The following ZFP90 variants were observed in gnomAD, a reference collection of about 807,000 sequenced individuals.
ZFP90 encodes ZFP90 zinc finger protein.
ZFP90 carries 38 observed loss-of-function variants against 60.8 expected under a neutral mutation model. That is an observed-to-expected ratio of 0.62 (90% CI 0.48 to 0.82). ZFP90 has a LOEUF of 0.82. ZFP90 is among the 40% of genes least tolerant of loss of function. ZFP90 has a pLI of 0.00. For synonymous variants in ZFP90, 287 were observed against 264.8 expected (o/e 1.08, Z -0.82); for missense variants, 711 against 759.1 (o/e 0.94, Z 0.74).
intron 4 of ZFP90, among the ~76,000 whole-genome samples, chr16:68,561,308 A>G (rs1010748673): frequency 1.3e-5 from 2 of 152,216 alleles, no homozygotes; most frequent in African/African-American, 2.4e-5. Flanking sequence ...TTCCAGTATT[A>G]TCCTTCTATT....
intron 2 of ZFP90, among the ~76,000 whole-genome samples, chr16:68,551,303 A>G (rs933569978): frequency 6.6e-6 from 1 of 152,050 alleles, no homozygotes; most frequent in African/African-American, 2.4e-5. Context: ...TTAGGAGCCC[A>G]TGAAATTGAG....
At chr16:68,551,868 C>A (rs2091267226) in intron 2 of ZFP90, among the ~76,000 whole-genome samples, 1 of 152,192 alleles carries the variant, frequency 6.6e-6, no homozygotes. Context: ...ACACCATTCT[C>A]CTGCCTCAGC....
intron 2 of ZFP90, among the ~76,000 whole-genome samples, chr16:68,544,675 C>T (rs546120968): frequency 4.6e-5 from 7 of 152,118 alleles, no homozygotes; most frequent in Admixed American, 1.3e-4. Context: ...CAGGGGAAAC[C>T]AGACCACTTG....
chr16:68,547,686 T>C (rs2091174184), intron 2 of ZFP90, among the ~76,000 whole-genome samples: 2 of 152,198 alleles, frequency 1.3e-5, no homozygotes, highest in Admixed American at 1.3e-4. Flanking sequence ...GACTATATTA[T>C]ATTGCTTTGT....
chr16:68,566,064 C>T lies in ZFP90; in HGVS notation c.*1366C>T, dbSNP rs894657123. 4.2e-6 allele frequency: 4 copies of T among 951,110 alleles called. No homozygotes were observed. Among genetic ancestry groups the T allele is most frequent in the Non-Finnish European group, 5.0e-6 (4 of 798,776 alleles). The allele number at this position is 951,110 out of a possible 1,614,324, so 58.9% of individuals were successfully genotyped here. A position where few individuals can be genotyped will look rare whatever the true frequency, so the allele number is the denominator to read the frequency against. ...TGGGAGGATCACTGGAACCCGGGAG[C>T]AGAGACTGCAGTGAGCTGAGATCAC... On this transcript the variant is annotated 3_prime_UTR_variant, in exon 5 of 5. Transcript: ENST00000563169.
rs2091500134 is a variant in ZFP90 at position 68,564,838 on chromosome 16, CAG to C, written c.*142_*143del. The C allele has an allele frequency of 2.1e-6, 2 of 963,600 alleles. No homozygotes were observed. Among genetic ancestry groups the C allele is most frequent in the Non-Finnish European group, 1.4e-6 (1 of 732,362 alleles). The allele number at this position is 963,600 out of a possible 1,614,324, so 59.7% of individuals were successfully genotyped here. A position where few individuals can be genotyped will look rare whatever the true frequency, so the allele number is the denominator to read the frequency against. ...GTGTGTGGAGAAAACTGCCAGTAGACAGATTTTTTTTTTTTAACATAAAGACA... is the reference window on the plus strand; with the variant it reads ...GTGTGTGGAGAAAACTGCCAGTAGACATTTTTTTTTTTTAACATAAAGACA... On this transcript the variant is annotated 3_prime_UTR_variant, in exon 5 of 5. Coordinates refer to ENST00000563169, the MANE Select transcript of ZFP90 (RefSeq NM_001305203.2).
intron 2 of ZFP90, among the ~76,000 whole-genome samples, chr16:68,573,488 C>T (rs1258261858): frequency 6.6e-6 from 1 of 152,152 alleles, no homozygotes; most frequent in East Asian, 1.9e-4. Context: ...AAAAGCAAAA[C>T]AAAACTCTAT....
chr16:68,566,537 A>G lies in ZFP90; in HGVS notation c.*1839A>G, dbSNP rs3203684. On this transcript the variant is annotated 3_prime_UTR_variant, in exon 5 of 5. Transcript: ENST00000563169. ...AATTGTGCATGGGGGCTGAAATGTA[A>G]TATGTGTAGCTCAATTAGTCTCTCC... 755,286 of 985,282 alleles carry G rather than the reference A, an allele frequency of 0.77. 289,597 individuals are homozygous for G. The highest frequency in any genetic ancestry group is 0.81 in the East Asian group (7,249 of 8,932). The allele number at this position is 985,282 out of a possible 1,614,324, so 61.0% of individuals were successfully genotyped here. A position where few individuals can be genotyped will look rare whatever the true frequency, so the allele number is the denominator to read the frequency against.
upstream of ZFP90, among the ~76,000 whole-genome samples, chr16:68,536,816 T>C (rs1567389193): frequency 1.3e-5 from 2 of 152,258 alleles, no homozygotes. Context: ...TCTGGGACAG[T>C]AGGAAAAATT....
At chr16:68,551,415 CTTTTTTTTTTTT>C (rs10538200) in intron 2 of ZFP90, among the ~76,000 whole-genome samples, 1 of 123,024 alleles carries the variant, frequency 8.1e-6, no homozygotes, top group African/African-American at 3.2e-5. Flanking sequence ...ACATGTGATC[CTTTTTTTTTTTT>C]TTTTTTTTTT....
At chr16:68,537,918 TTTG>T (rs2090974164), upstream of ZFP90, among the ~76,000 whole-genome samples, 1 of 61,624 alleles carries the variant, frequency 1.6e-5, no homozygotes, top group African/African-American at 5.7e-5. Context: ...CCTTTTTTGT[TTTG>T]TTTTTTTTGA....
At chr16:68,572,348 T>TAA (rs1003781680) in intron 2 of ZFP90, among the ~76,000 whole-genome samples, 1 of 152,212 alleles carries the variant, frequency 6.6e-6, no homozygotes, top group Non-Finnish European at 1.5e-5. Context: ...CTGTCTGCAT[T>TAA]AAAAAACTGG....
At chr16:68,557,309 G>A in intron 2 of ZFP90, 2 of 454,664 alleles carry the variant, frequency 4.4e-6, no homozygotes, top group Non-Finnish European at 8.9e-6. Flanking sequence ...CCACCCGCGT[G>A]CCCTGTCGCA....
chr16:68,559,832 C>T (rs965084057), intron 4 of ZFP90, among the ~76,000 whole-genome samples: 1 of 152,120 alleles, frequency 6.6e-6, no homozygotes, highest in East Asian at 1.9e-4. Flanking sequence ...CTTGGCCTCC[C>T]AAAGTTCTGG....
At chr16:68,542,537 A>T (rs565256578) in intron 2 of ZFP90, among the ~76,000 whole-genome samples, 2 of 152,018 alleles carry the variant, frequency 1.3e-5, no homozygotes, top group East Asian at 1.9e-4. Context: ...GTTGCAGTGA[A>T]CCGAGATCCT....
chr16:68,559,624 G>C (rs2091404998), intron 4 of ZFP90, among the ~76,000 whole-genome samples: 1 of 152,118 alleles, frequency 6.6e-6, no homozygotes, highest in Non-Finnish European at 1.5e-5. Flanking sequence ...CTGGAGTGCA[G>C]TGGTGTGATC....
intron 2 of ZFP90, among the ~76,000 whole-genome samples, chr16:68,540,623 G>GA (rs2091025301): frequency 6.6e-6 from 1 of 151,886 alleles, no homozygotes; most frequent in Non-Finnish European, 1.5e-5. Context: ...AGAATTAAGG[G>GA]AAAATGACAG....
chr16:68,562,883 C>T, intron 4 of ZFP90, 161 bp from the exon 5 acceptor site: 1 of 1,494,840 alleles, frequency 6.7e-7, no homozygotes, highest in Non-Finnish European at 9.0e-7. Context: ...GCTATCATTT[C>T]TTCACTTTTC....
chr16:68,559,131 G>C (rs1013108996), intron 4 of ZFP90, among the ~76,000 whole-genome samples: 6 of 151,994 alleles, frequency 3.9e-5, no homozygotes. Context: ...AGCTTTTCTT[G>C]CTTTTCTGCC....
Sources: gnomAD v4.1 joint callset for allele counts (sites outside exome capture counted in the v4.1 genomes callset) on GRCh38, gnomAD v4.1.1 for gene constraint, MANE v1.5 for transcripts, NCBI Gene and HGNC (gene_info 2026-07-23, HGNC 2026-07-21) for gene names.